Variants in VPS13B observed in about 807,000 individuals in gnomAD.
The protein encoded by VPS13B is vacuolar protein sorting 13 homolog B, also known as intermembrane lipid transfer protein VPS13B.
In VPS13B, 285 loss-of-function variants were observed where a neutral mutation model predicts 426.4. The ratio of observed to expected loss-of-function variants is 0.67; its 90% confidence interval spans 0.61 to 0.74. VPS13B has a LOEUF of 0.74. VPS13B is among the 30% of genes least tolerant of loss of function. The pLI is 0.00. For missense variants in VPS13B, 4,537 were observed against 4,782.6 expected, an observed-to-expected ratio of 0.95 and a Z score of 1.51; for synonymous variants, 1,676 against 1,676.4, an observed-to-expected ratio of 1.00 and a Z score of 0.01.
intron 35 of VPS13B, among the ~76,000 whole-genome samples, chr8:99,664,885 A>G (rs1353771274): frequency 1.3e-5 from 2 of 152,192 alleles, no homozygotes; most frequent in Admixed American, 6.5e-5. Flanking sequence ...TCCCTGAGAA[A>G]TCGCCACACT....
chr8:99,420,608 G>A (rs1182889261), intron 21 of VPS13B, among the ~76,000 whole-genome samples: 1 of 152,144 alleles, frequency 6.6e-6, no homozygotes, highest in Non-Finnish European at 1.5e-5. Context: ...ATAAGAGTAA[G>A]AGAGGACATA....
intron 3 of VPS13B, among the ~76,000 whole-genome samples, chr8:99,049,893 G>A (rs1157078963): frequency 1.3e-5 from 2 of 151,652 alleles, no homozygotes; most frequent in Non-Finnish European, 2.9e-5. Context: ...GTCTTTGTTG[G>A]ATTGGGTTAA....
intron 39 of VPS13B, among the ~76,000 whole-genome samples, chr8:99,729,911 C>T (rs538215186): frequency 1.9e-4 from 29 of 152,230 alleles, no homozygotes; most frequent in South Asian, 8.3e-4. Flanking sequence ...ACAAGCTTCC[C>T]GTAATTTTGA....
intron 19 of VPS13B, among the ~76,000 whole-genome samples, chr8:99,382,463 G>T (rs1813868057): frequency 6.6e-6 from 1 of 152,124 alleles, no homozygotes; most frequent in Non-Finnish European, 1.5e-5. Context: ...CATGAGCATG[G>T]AATGTTTTTC....
rs60760111 is a variant in VPS13B, at chr8:99,657,470, T to TGTGTGTGTGTGTGTGTGTGTG, written c.5909-3884_5909-3883insGTGTGTGTGTGTGTGTGTGTG. Among the ~76,000 whole-genome samples the TGTGTGTGTGTGTGTGTGTGTG allele has an allele frequency of 7.2e-3, 1,055 of 146,992 alleles. 10 individuals are homozygous for TGTGTGTGTGTGTGTGTGTGTG. Among genetic ancestry groups the TGTGTGTGTGTGTGTGTGTGTG allele is most frequent in the African/African-American group, 0.015 (607 of 39,718 alleles). On this transcript the variant is annotated intron_variant, in intron 34 of 61. Coordinates refer to ENST00000357162, the MANE Select transcript of VPS13B (RefSeq NM_152564.5). Reference sequence around the variant, plus strand: ...TGATCATTCAGCAGTACTTTAAAAATTGTGTGTGTGTGTGTGTGTGTGTGT... The same window carrying TGTGTGTGTGTGTGTGTGTGTG: ...TGATCATTCAGCAGTACTTTAAAAATGTGTGTGTGTGTGTGTGTGTGTGTGTGTGTGTGTGTGTGTGTGTGT...
intron 19 of VPS13B, among the ~76,000 whole-genome samples, chr8:99,299,707 C>T (rs372935496): frequency 6.6e-6 from 1 of 151,520 alleles, no homozygotes; most frequent in African/African-American, 2.4e-5. Flanking sequence ...GTCAGGAGTT[C>T]GAGACCAGCT....
chr8:99,784,335 G>A lies in VPS13B; in HGVS notation c.7800G>A (p.Glu2600=), dbSNP rs1812157663. ...AWQQNKCPEV[E]ELVFSHFVIC... ...TTCAGAACAAATGCCCTGAGGTAGA[G>A]GAGTTGGTCTTCAGCCATTTTGTGA... is the stretch of plus-strand genomic sequence containing the variant. The change falls in exon 43 of 62, where the codon GAG becomes GAA. Residue 2600 remains glutamate, a synonymous_variant. Coordinates refer to ENST00000357162, the MANE Select transcript of VPS13B (RefSeq NM_152564.5). 5 of 1,613,562 alleles carry A rather than the reference G, an allele frequency of 3.1e-6. No individual in the cohort carries two copies. The African/African-American group carries it at 4.0e-5, about 13-fold the overall frequency.
chr8:99,858,780 G>A (rs1441421254), intron 56 of VPS13B, among the ~76,000 whole-genome samples: 1 of 152,186 alleles, frequency 6.6e-6, no homozygotes, highest in Non-Finnish European at 1.5e-5. Flanking sequence ...TGCTCCAAAG[G>A]GAAGCACTCA....
intron 33 of VPS13B, among the ~76,000 whole-genome samples, chr8:99,587,937 G>C (rs1179895254): frequency 2.0e-5 from 3 of 151,694 alleles, no homozygotes; most frequent in Non-Finnish European, 2.9e-5. Context: ...TTTTCTTCTA[G>C]GGTTTTCATG....
intron 31 of VPS13B, among the ~76,000 whole-genome samples, chr8:99,558,014 A>G (rs1450501699): frequency 1.3e-5 from 2 of 152,160 alleles, no homozygotes; most frequent in Non-Finnish European, 2.9e-5. Flanking sequence ...TCTTGAAAAC[A>G]TCTTCTGAAG....
chr8:99,175,145 A>G (rs1393552544), intron 16 of VPS13B, among the ~76,000 whole-genome samples: 4 of 152,326 alleles, frequency 2.6e-5, no homozygotes, highest in Admixed American at 2.6e-4. Context: ...CAGCTCTGAA[A>G]ACATTCTTCA....
At chr8:99,672,646 C>T (rs1484915696) in intron 35 of VPS13B, among the ~76,000 whole-genome samples, 2 of 151,932 alleles carry the variant, frequency 1.3e-5, no homozygotes, top group Non-Finnish European at 2.9e-5. Flanking sequence ...CTTTCTCTTA[C>T]CTAATTGCTT....
chr8:99,729,926 C>T (rs1025633566), intron 39 of VPS13B, among the ~76,000 whole-genome samples: 3 of 152,220 alleles, frequency 2.0e-5, no homozygotes, highest in Non-Finnish European at 4.4e-5. Context: ...TTTTGAAGCA[C>T]CTGGACCTGA....
intron 31 of VPS13B, among the ~76,000 whole-genome samples, chr8:99,559,481 C>A (rs989448034): frequency 6.6e-6 from 1 of 152,160 alleles, no homozygotes; most frequent in Non-Finnish European, 1.5e-5. Flanking sequence ...AGTCCTTGCC[C>A]ATGCCTGTGT....
At chr8:99,226,117 T>G (rs1816004234) in intron 17 of VPS13B, among the ~76,000 whole-genome samples, 1 of 152,160 alleles carries the variant, frequency 6.6e-6, no homozygotes, top group Non-Finnish European at 1.5e-5. Flanking sequence ...GCTAATTTTT[T>G]GTATTTTTAG....
At chr8:99,400,736 T>C (rs769914108) in intron 21 of VPS13B, among the ~76,000 whole-genome samples, 3 of 152,164 alleles carry the variant, frequency 2.0e-5, no homozygotes, top group Non-Finnish European at 4.4e-5. Flanking sequence ...CAGTGCGCAA[T>C]CTCAGCTCAC....
At chr8:99,443,084 T>C (rs1332271752) in intron 23 of VPS13B, among the ~76,000 whole-genome samples, 2 of 152,134 alleles carry the variant, frequency 1.3e-5, no homozygotes, top group Non-Finnish European at 2.9e-5. Flanking sequence ...AAAGTAATTA[T>C]ATGATGATTA....
intron 35 of VPS13B, among the ~76,000 whole-genome samples, chr8:99,695,621 C>T (rs577470530): frequency 5.6e-5 from 8 of 143,258 alleles, no homozygotes; most frequent in East Asian, 4.2e-4. Context: ...GTGGGTGCAG[C>T]GCACCAGCAT....
intron 43 of VPS13B, among the ~76,000 whole-genome samples, chr8:99,791,006 G>A (rs771778835): frequency 1.3e-4 from 20 of 152,172 alleles, no homozygotes; most frequent in Non-Finnish European, 1.9e-4. Context: ...GATAATCTAC[G>A]TACCCAGAGA....
Sources: gnomAD v4.1 joint callset for allele counts (sites outside exome capture counted in the v4.1 genomes callset) on GRCh38, gnomAD v4.1.1 for gene constraint, MANE v1.5 for transcripts, NCBI Gene and HGNC (gene_info 2026-07-23, HGNC 2026-07-21) for gene names.